WWOX: variants seen among roughly 807,000 people sequenced by gnomAD.
WWOX encodes the protein WW domain-containing oxidoreductase.
WWOX carries 69 observed loss-of-function variants against 46.2 expected under a neutral mutation model. The observed-to-expected ratio is 1.49, with a 90% CI of 1.23 to 1.82. The LOEUF (loss-of-function observed/expected upper bound fraction) is 1.82. WWOX is among the 40% of genes most tolerant of loss of function. The pLI is 0.00. For missense variants in WWOX, 919 were observed against 542.6 expected, an observed-to-expected ratio of 1.69 and a Z score of -6.89; for synonymous variants, 359 against 202.6, an observed-to-expected ratio of 1.77 and a Z score of -6.56.
chr16:78,458,349 C>T (rs890596512), intron 8 of WWOX, among the ~76,000 whole-genome samples: 2 of 150,682 alleles, frequency 1.3e-5, no homozygotes, highest in African/African-American at 2.4e-5. Flanking sequence ...CAGTCTTGAC[C>T]TCCCAGGCTC....
chr16:78,800,904 C>G (rs1391308171), intron 8 of WWOX, among the ~76,000 whole-genome samples: 1 of 151,768 alleles, frequency 6.6e-6, no homozygotes, highest in Non-Finnish European at 1.5e-5. Context: ...AGGCATTCCC[C>G]AATATAACCA....
chr16:78,844,986 G>T (rs921222713), intron 8 of WWOX, among the ~76,000 whole-genome samples: 2 of 152,218 alleles, frequency 1.3e-5, no homozygotes, highest in Non-Finnish European at 2.9e-5. Flanking sequence ...TCCTTGGCCA[G>T]CCTGAAAGGC....
At chr16:78,319,225 A>G (rs1021516685) in intron 5 of WWOX, among the ~76,000 whole-genome samples, 22 of 152,032 alleles carry the variant, frequency 1.4e-4, no homozygotes, top group African/African-American at 4.6e-4. Flanking sequence ...GGAAAAGGCA[A>G]TGAGATGGAT....
At chr16:78,786,583 A>G (rs146834412) in intron 8 of WWOX, among the ~76,000 whole-genome samples, 137 of 152,292 alleles carry the variant, frequency 9.0e-4, no homozygotes, top group African/African-American at 3.2e-3. Context: ...CAATAAGCCC[A>G]TTTGAAGTGT....
At chr16:78,396,179 T>G (rs1277795895) in intron 6 of WWOX, among the ~76,000 whole-genome samples, 1 of 152,246 alleles carries the variant, frequency 6.6e-6, no homozygotes, top group African/African-American at 2.4e-5. Flanking sequence ...ATTTCTTTCT[T>G]ACAGTAGTTG....
At chr16:78,184,317 G>C (rs1003615600) in intron 5 of WWOX, among the ~76,000 whole-genome samples, 8 of 152,092 alleles carry the variant, frequency 5.3e-5, no homozygotes, top group African/African-American at 1.9e-4. Flanking sequence ...GGGTAGGCAA[G>C]GGACAGACTG....
intron 8 of WWOX, among the ~76,000 whole-genome samples, chr16:78,921,677 C>G (rs537982547): frequency 6.6e-6 from 1 of 152,144 alleles, no homozygotes; most frequent in Admixed American, 6.5e-5. Flanking sequence ...TTCCTGGCAA[C>G]TCCTTCTGAG....
chr16:78,429,895 G>T (rs1322803787), intron 7 of WWOX, among the ~76,000 whole-genome samples: 1 of 152,194 alleles, frequency 6.6e-6, no homozygotes, highest in East Asian at 1.9e-4. Context: ...TGTATCCGTG[G>T]ATGAATCACC....
chr16:78,518,273 C>T (rs528996076), intron 8 of WWOX, among the ~76,000 whole-genome samples: 4 of 151,968 alleles, frequency 2.6e-5, no homozygotes, highest in Non-Finnish European at 5.9e-5. Context: ...GCTCTGTCAC[C>T]CAGGCTGAAG....
At chr16:78,254,909 C>T (rs2038086170) in intron 5 of WWOX, among the ~76,000 whole-genome samples, 1 of 152,142 alleles carries the variant, frequency 6.6e-6, no homozygotes, top group Non-Finnish European at 1.5e-5. Context: ...GTTGAAAACC[C>T]ACTGTCTGCC....
At chr16:79,074,143 A>G (rs140494170) in intron 8 of WWOX, among the ~76,000 whole-genome samples, 2,080 of 152,226 alleles carry the variant, frequency 0.014, 21 homozygotes, top group Non-Finnish European at 0.023. Flanking sequence ...TAAAGCAGTT[A>G]GAGTTCGAGC....
At chr16:78,106,106 C>A (rs2032127584) in intron 1 of WWOX, among the ~76,000 whole-genome samples, 1 of 152,152 alleles carries the variant, frequency 6.6e-6, no homozygotes, top group South Asian at 2.1e-4. Context: ...CCCGCCACTC[C>A]ATGGATTCTT....
At chr16:79,085,075 G>C (rs544744558) in intron 8 of WWOX, among the ~76,000 whole-genome samples, 13 of 152,198 alleles carry the variant, frequency 8.5e-5, no homozygotes, top group Non-Finnish European at 1.0e-4. Flanking sequence ...ACAGGCATGA[G>C]TCGCCACACT....
intron 8 of WWOX, among the ~76,000 whole-genome samples, chr16:78,921,552 A>G (rs1186881816): frequency 4.6e-5 from 7 of 152,220 alleles, no homozygotes; most frequent in Admixed American, 1.3e-4. Context: ...TAAAGATGTC[A>G]TTGGGACTGA....
At chr16:79,029,208 C>G (rs1256132307) in intron 8 of WWOX, among the ~76,000 whole-genome samples, 1 of 152,154 alleles carries the variant, frequency 6.6e-6, no homozygotes, top group African/African-American at 2.4e-5. Context: ...GCACAGGAGA[C>G]CTTTGCCCCA....
intron 5 of WWOX, among the ~76,000 whole-genome samples, chr16:78,282,194 G>A (rs553839307): frequency 9.2e-5 from 14 of 152,086 alleles, no homozygotes; most frequent in Non-Finnish European, 1.8e-4. Flanking sequence ...GTTCCCTAAT[G>A]GTAAAATGAG....
intron 8 of WWOX, chr16:78,757,003 T>A (rs1317813965): frequency 2.8e-6 from 2 of 702,702 alleles, no homozygotes; most frequent in Admixed American, 4.0e-5. Context: ...CTGAGCCTCC[T>A]GCCAACAGCC....
chr16:78,292,617 C>CTT, intron 5 of WWOX, among the ~76,000 whole-genome samples: 1 of 150,082 alleles, frequency 6.7e-6, no homozygotes, highest in African/African-American at 2.4e-5. Context: ...TGTTCTATAT[C>CTT]TTTTTTTTTT....
intron 8 of WWOX, among the ~76,000 whole-genome samples, chr16:79,008,993 C>T (rs1256910862): frequency 3.9e-5 from 6 of 152,202 alleles, no homozygotes; most frequent in Admixed American, 3.9e-4. Context: ...GCAATTATCC[C>T]GATTCAGCAT....
Sources: allele counts gnomAD v4.1 joint callset (sites outside exome capture counted in the v4.1 genomes callset), GRCh38; gene constraint gnomAD v4.1.1; transcripts MANE v1.5; gene names NCBI Gene and HGNC (gene_info 2026-07-23, HGNC 2026-07-21).